The following DCUN1D1 variants were observed in gnomAD, a reference collection of about 807,000 sequenced individuals.
DCUN1D1 encodes defective in cullin neddylation 1 domain containing 1, also known as DCN1-like protein 1.
In DCUN1D1, 3 loss-of-function variants were observed where a neutral mutation model predicts 39.0. The observed-to-expected ratio is 0.08, with a 90% CI of 0.04 to 0.20. The LOEUF is 0.20. Among genes scored for constraint, DCUN1D1 ranks in the 10% least tolerant of loss-of-function variants. DCUN1D1 has a pLI of 1.00. For synonymous variants in DCUN1D1, 82 were observed against 96.3 expected (o/e 0.85, Z 0.87); for missense variants, 158 against 302.4 (o/e 0.52, Z 3.54).
At chr3:182,980,357 G>C in intron 1 of DCUN1D1, 130 bp downstream of exon 1, 1 of 656,334 alleles carries the variant, frequency 1.5e-6, no homozygotes, top group Non-Finnish European at 1.9e-6. Context: ...CCGCCTGGGA[G>C]CGGGACGGAG....
intron 3 of DCUN1D1, 148 bp downstream of exon 3, chr3:182,963,733 G>A (rs1263305514): frequency 1.5e-6 from 1 of 650,996 alleles, no homozygotes; most frequent in African/African-American, 1.8e-5. Flanking sequence ...CCAAAAAACT[G>A]TATAACATGG....
At chr3:182,955,376 T>G in intron 4 of DCUN1D1, 1 of 539,916 alleles carries the variant, frequency 1.9e-6, no homozygotes. Flanking sequence ...TTCCTGGTTC[T>G]TTATTGAACA....
chr3:182,973,690 C>A (rs995419195), intron 1 of DCUN1D1, among the ~76,000 whole-genome samples: 3 of 151,742 alleles, frequency 2.0e-5, no homozygotes, highest in African/African-American at 7.3e-5. Context: ...GCCTGTAACC[C>A]CAGCTACTCA....
At chr3:182,959,893 G>C (rs897545177) in intron 4 of DCUN1D1, among the ~76,000 whole-genome samples, 6 of 152,156 alleles carry the variant, frequency 3.9e-5, no homozygotes, top group Admixed American at 3.9e-4. Context: ...AGAGGGAATG[G>C]ATTAGTTCCT....
upstream of DCUN1D1, among the ~76,000 whole-genome samples, chr3:182,983,351 A>G (rs1728620940): frequency 6.6e-6 from 1 of 152,232 alleles, no homozygotes; most frequent in Non-Finnish European, 1.5e-5. Context: ...CCCTATGAGC[A>G]TGCCCAGCTA....
At chr3:182,959,501 C>CAAAAAAAAAAAAAAAAAAAAAA in intron 4 of DCUN1D1, among the ~76,000 whole-genome samples, 1 of 81,172 alleles carries the variant, frequency 1.2e-5, no homozygotes, top group Middle Eastern at 0.013. Flanking sequence ...CTTCAAAAAC[C>CAAAAAAAAAAAAAAAAAAAAAA]AAAAAAAAAA....
rs187220848 is a variant in DCUN1D1 at position 182,940,562 on chromosome 3, A to C, written c.*4532T>G. 6.6e-6 allele frequency: 1 copy of C among 152,130 alleles called. No individual in the cohort carries two copies. Among genetic ancestry groups the C allele is most frequent in the Non-Finnish European group, 1.5e-5 (1 of 68,026 alleles). 9.4% of individuals were successfully genotyped at this position (152,130 alleles called of 1,614,324 possible). On this transcript the variant is annotated 3_prime_UTR_variant, in exon 7 of 7. Coordinates refer to ENST00000292782, the MANE Select transcript of DCUN1D1 (RefSeq NM_020640.4). Reference sequence around the variant, plus strand: ...CCTCTAAAGCCAATCATTAAAAAAAATTTTTTTAACTGAGTATTTTTCCCC... The same window carrying C: ...CCTCTAAAGCCAATCATTAAAAAAACTTTTTTTAACTGAGTATTTTTCCCC...
intron 1 of DCUN1D1, among the ~76,000 whole-genome samples, chr3:182,975,236 G>A (rs1274394919): frequency 6.6e-6 from 1 of 150,892 alleles, no homozygotes; most frequent in African/African-American, 2.4e-5. Flanking sequence ...GAGTGCAGTG[G>A]TGCGATCTCG....
chr3:182,981,309 A>G (rs1054192176), upstream of DCUN1D1, among the ~76,000 whole-genome samples: 2 of 152,176 alleles, frequency 1.3e-5, no homozygotes, highest in Non-Finnish European at 2.9e-5. Context: ...CCCGCCCAGG[A>G]TAAGTTTCGG....
At chr3:182,957,755 G>A (rs964708543) in intron 4 of DCUN1D1, among the ~76,000 whole-genome samples, 5 of 151,408 alleles carry the variant, frequency 3.3e-5, no homozygotes, top group East Asian at 1.9e-4. Flanking sequence ...GGGTAATACC[G>A]CAAGTCTCCA....
At chr3:182,949,644 C>T (rs183744270) in intron 4 of DCUN1D1, among the ~76,000 whole-genome samples, 1 of 152,068 alleles carries the variant, frequency 6.6e-6, no homozygotes, top group Admixed American at 6.5e-5. Context: ...TCCTTTGAGC[C>T]CAGGAGATCA....
chr3:182,952,501 G>A (rs764244746), intron 4 of DCUN1D1, among the ~76,000 whole-genome samples: 7 of 152,008 alleles, frequency 4.6e-5, no homozygotes, highest in South Asian at 2.1e-4. Flanking sequence ...TGGTATCCAC[G>A]AACAACTTCA....
chr3:182,965,787 G>T, intron 1 of DCUN1D1, 34 bp from the exon 2 acceptor site: 2 of 1,436,082 alleles, frequency 1.4e-6, no homozygotes, highest in African/African-American at 1.4e-5. Context: ...GAAACTCTAT[G>T]TAAAATCACA....
At chr3:182,953,723 C>A (rs1271280541) in intron 4 of DCUN1D1, among the ~76,000 whole-genome samples, 2 of 152,010 alleles carry the variant, frequency 1.3e-5, no homozygotes, top group East Asian at 3.8e-4. Flanking sequence ...GATAAGGTAA[C>A]AAGAAGCAAC....
intron 1 of DCUN1D1, among the ~76,000 whole-genome samples, chr3:182,979,116 T>A (rs1489975819): frequency 6.6e-6 from 1 of 152,260 alleles, no homozygotes; most frequent in Non-Finnish European, 1.5e-5. Flanking sequence ...CTGTTTAGAC[T>A]GCCTGGTGGA....
At chr3:182,976,444 T>TACACACACAC (rs59465164) in intron 1 of DCUN1D1, among the ~76,000 whole-genome samples, 68 of 140,760 alleles carry the variant, frequency 4.8e-4, no homozygotes, top group African/African-American at 1.0e-3. Flanking sequence ...TATACATACA[T>TACACACACAC]ACACACACAC....
chr3:182,945,280 G>C, intron 6 of DCUN1D1, 107 bp from the exon 7 acceptor site: 1 of 851,370 alleles, frequency 1.2e-6, no homozygotes, highest in South Asian at 1.8e-5. Flanking sequence ...AAGCGTTAAA[G>C]TATATCATTC....
Position 182,961,229 on chromosome 3 carries a change from A to T in DCUN1D1, c.517T>A (p.Leu173Ile). ...NFAKNPGQKG[L>I]DLEMAIAYWN... ...TATAATTTTTAAAAATTCTTACCTA[A>T]TCCTTTTTGTCCTGGATTCTTTGCA... The change falls in exon 4 of 7, where the codon TTA (leucine) becomes ATA (isoleucine). Residue 173 changes from leucine to isoleucine, a missense_variant. This residue lies in a region of DCUN1D1 where 107 missense variants were observed against 174.7 expected (regional missense o/e 0.61). Coordinates refer to ENST00000292782, the MANE Select transcript of DCUN1D1 (RefSeq NM_020640.4). 6.6e-7 allele frequency: 1 copy of T among 1,516,672 alleles called. No homozygotes were observed. The highest frequency in any genetic ancestry group is 9.0e-7 in the Non-Finnish European group (1 of 1,112,210). 94.0% of individuals were successfully genotyped at this position (1,516,672 alleles called of 1,614,324 possible). A position where few individuals can be genotyped will look rare whatever the true frequency, so the allele number is the denominator to read the frequency against.
intron 4 of DCUN1D1, chr3:182,955,396 T>C: frequency 1.8e-6 from 1 of 543,496 alleles, no homozygotes; most frequent in Non-Finnish European, 3.7e-6. Flanking sequence ...AGAATAGCAA[T>C]GTCTTCTTCT....
Sources: gnomAD v4.1 joint callset for allele counts (sites outside exome capture counted in the v4.1 genomes callset) on GRCh38, gnomAD v4.1.1 for gene constraint, gnomAD v4.1.1 regional missense constraint, MANE v1.5 for transcripts, NCBI Gene and HGNC (gene_info 2026-07-23, HGNC 2026-07-21) for gene names.